The following RPS6KC1 variants were observed in gnomAD, a reference collection of about 807,000 sequenced individuals.
RPS6KC1 encodes the protein inactive ribosomal protein S6 kinase delta-1.
Under a neutral mutation model 103.8 loss-of-function variants are expected in RPS6KC1, and 54 were observed. The observed-to-expected ratio is 0.52, with a 90% CI of 0.42 to 0.65. The LOEUF is 0.65. Among genes scored for constraint, RPS6KC1 ranks in the 30% least tolerant of loss-of-function variants. RPS6KC1 has a pLI of 0.00. For missense variants in RPS6KC1, 1,151 were observed against 1,253.8 expected, an observed-to-expected ratio of 0.92 and a Z score of 1.24; for synonymous variants, 439 against 438.7, an observed-to-expected ratio of 1.00 and a Z score of -0.01.
chr1:213,628,185 C>T, the RPS6KC1 span, among the ~76,000 whole-genome samples: 15 of 152,110 alleles, frequency 9.9e-5, no homozygotes, highest in Non-Finnish European at 2.2e-4. Context: ...TCCATTTGTT[C>T]TAGATTTTCT....
the RPS6KC1 span, among the ~76,000 whole-genome samples, chr1:213,669,757 A>G: frequency 6.6e-6 from 1 of 152,192 alleles, no homozygotes; most frequent in Non-Finnish European, 1.5e-5. Context: ...TTACAGAAGC[A>G]GTTCAGAAAG....
the RPS6KC1 span, among the ~76,000 whole-genome samples, chr1:213,509,190 C>T: frequency 1.3e-5 from 2 of 152,206 alleles, no homozygotes; most frequent in African/African-American, 4.8e-5. Flanking sequence ...CAAGCCAGTA[C>T]ATACGATCAC....
rs531064101 is a variant in RPS6KC1 at position 213,103,713 on chromosome 1, A to G, written c.263-741A>G. Among the ~76,000 whole-genome samples, 7 of 152,238 alleles carry G rather than the reference A, an allele frequency of 4.6e-5. No individual in the cohort carries two copies. In the East Asian group the frequency reaches 9.6e-4, roughly 21 times the overall value. The stretch of plus-strand genomic sequence containing the variant: ...GGTGATGCTACTTTTCTGATTTTGT[A>G]TTTTTTTATTGCAATCAGTATGATA... On this transcript the variant is annotated intron_variant, in intron 3 of 14. Transcript: ENST00000366960.
chr1:213,150,923 G>C (rs2088669519), intron 6 of RPS6KC1, among the ~76,000 whole-genome samples: 1 of 151,748 alleles, frequency 6.6e-6, no homozygotes, highest in African/African-American at 2.4e-5. Context: ...CCTGGGCGGG[G>C]CAGCTGGCCG....
chr1:213,087,142 C>T (rs2080469926), intron 3 of RPS6KC1, among the ~76,000 whole-genome samples: 1 of 151,906 alleles, frequency 6.6e-6, no homozygotes, highest in African/African-American at 2.4e-5. Context: ...CTTATAAGAT[C>T]ACTTGTTAGA....
At chr1:213,750,889 C>T in the RPS6KC1 span, among the ~76,000 whole-genome samples, 2 of 152,086 alleles carry the variant, frequency 1.3e-5, no homozygotes, top group Admixed American at 6.6e-5. Context: ...ATCTTTCTGC[C>T]AGAAACAGTC....
At chr1:213,379,243 G>A in the RPS6KC1 span, among the ~76,000 whole-genome samples, 3 of 152,154 alleles carry the variant, frequency 2.0e-5, no homozygotes, top group South Asian at 2.1e-4. Context: ...CCTAATCCCC[G>A]GTACCTTTAA....
At chr1:213,801,996 T>G in the RPS6KC1 span, among the ~76,000 whole-genome samples, 1 of 152,162 alleles carries the variant, frequency 6.6e-6, no homozygotes, top group Non-Finnish European at 1.5e-5. Context: ...AAGGACAAGG[T>G]GTGTGCTATT....
At chr1:213,656,858 G>T in the RPS6KC1 span, among the ~76,000 whole-genome samples, 1 of 152,194 alleles carries the variant, frequency 6.6e-6, no homozygotes, top group Non-Finnish European at 1.5e-5. Flanking sequence ...TTTCCTTATA[G>T]ATGTATTTTC....
chr1:213,058,201 C>A (rs1239467218), intron 1 of RPS6KC1, among the ~76,000 whole-genome samples: 1 of 151,244 alleles, frequency 6.6e-6, no homozygotes, highest in Non-Finnish European at 1.5e-5. Flanking sequence ...CCTCAGCCTT[C>A]CAAGTAGCTA....
intron 13 of RPS6KC1, 135 bp from the exon 14 acceptor site, chr1:213,262,586 G>A (rs1484958423): frequency 4.6e-6 from 3 of 654,916 alleles, no homozygotes; most frequent in Admixed American, 4.8e-5. Flanking sequence ...AACTGCTTAG[G>A]CGGCACTGTG....
chr1:213,566,437 G>GTTTTTTTT, the RPS6KC1 span, among the ~76,000 whole-genome samples: 4 of 48,524 alleles, frequency 8.2e-5, no homozygotes, highest in Non-Finnish European at 1.5e-4. Context: ...TCAGCCTTTA[G>GTTTTTTTT]TTTTTTTTTT....
the RPS6KC1 span, among the ~76,000 whole-genome samples, chr1:213,784,658 A>C: frequency 3.3e-5 from 5 of 152,174 alleles, no homozygotes; most frequent in African/African-American, 1.2e-4. Context: ...AGCCCAGAAC[A>C]ATGCCCACAT....
chr1:213,211,851 G>C (rs1480634694), intron 8 of RPS6KC1, among the ~76,000 whole-genome samples: 1 of 152,216 alleles, frequency 6.6e-6, no homozygotes, highest in East Asian at 1.9e-4. Flanking sequence ...TTTGTGTAAA[G>C]ATGTGTAATC....
intron 8 of RPS6KC1, among the ~76,000 whole-genome samples, chr1:213,205,905 C>T (rs2093337205): frequency 6.6e-6 from 1 of 152,034 alleles, no homozygotes. Flanking sequence ...ACCAGTTGAG[C>T]ATCCCAAATC....
At chr1:213,360,070 G>A in the RPS6KC1 span, among the ~76,000 whole-genome samples, 23 of 152,110 alleles carry the variant, frequency 1.5e-4, no homozygotes, top group East Asian at 1.3e-3. Context: ...TCTTTGTGGC[G>A]TTCTCTGTAT....
intron 3 of RPS6KC1, among the ~76,000 whole-genome samples, chr1:213,093,771 CA>C (rs1366193774): frequency 2.0e-5 from 3 of 152,110 alleles, no homozygotes; most frequent in Non-Finnish European, 4.4e-5. Flanking sequence ...ACTGTTCTAA[CA>C]ATTATATCTG....
intron 7 of RPS6KC1, among the ~76,000 whole-genome samples, chr1:213,169,127 A>C (rs895319869): frequency 8.5e-5 from 13 of 152,228 alleles, no homozygotes; most frequent in African/African-American, 2.9e-4. Context: ...TAGCATGAAG[A>C]TCAGCCCATA....
intron 10 of RPS6KC1, among the ~76,000 whole-genome samples, chr1:213,239,335 GA>G (rs1024356771): frequency 3.8e-4 from 53 of 140,286 alleles, no homozygotes; most frequent in South Asian, 1.6e-3. Context: ...GAGACTCTAA[GA>G]AAAAAAAAAA....
Sources: allele counts gnomAD v4.1 joint callset (sites outside exome capture counted in the v4.1 genomes callset), GRCh38; gene constraint gnomAD v4.1.1; transcripts MANE v1.5; gene names NCBI Gene and HGNC (gene_info 2026-07-23, HGNC 2026-07-21).